Variants in CFAP20 observed in about 807,000 individuals in gnomAD.
CFAP20 encodes the protein cilia- and flagella-associated protein 20.
Under a neutral mutation model 25.5 loss-of-function variants are expected in CFAP20, and 14 were observed. The ratio of observed to expected loss-of-function variants is 0.55; its 90% CI spans 0.36 to 0.86. The LOEUF is 0.86. Ranked by LOEUF, CFAP20 falls within the 40% of genes least tolerant of loss-of-function variation. The probability of loss-of-function intolerance (pLI) is 0.01; values close to 1 mark genes in which losing one functional copy is unlikely to be tolerated. For missense variants in CFAP20, 181 were observed against 248.0 expected, an observed-to-expected ratio of 0.73 and a Z score of 1.81; for synonymous variants, 75 against 91.1, an observed-to-expected ratio of 0.82 and a Z score of 1.01.
At chr16:58,117,582 C>T (rs1211700468) in intron 1 of CFAP20, among the ~76,000 whole-genome samples, 1 of 151,996 alleles carries the variant, frequency 6.6e-6, no homozygotes, top group Non-Finnish European at 1.5e-5. Context: ...GCGTGCAGCA[C>T]CATGCCCAGC....
chr16:58,118,041 T>C (rs888057530), intron 1 of CFAP20, among the ~76,000 whole-genome samples: 1 of 152,204 alleles, frequency 6.6e-6, no homozygotes, highest in Non-Finnish European at 1.5e-5. Context: ...GTTTGCTGCA[T>C]ATGTAGGAGG....
Position 58,116,958 on chromosome 16 carries a change from G to A in CFAP20, c.85-7C>T. 6.2e-7 allele frequency: 1 copy of A among 1,612,986 alleles called. No homozygotes were observed. The highest frequency in any genetic ancestry group is 8.5e-7 in the Non-Finnish European group (1 of 1,179,020). On this transcript the variant is annotated splice_polypyrimidine_tract_variant and splice_region_variant and intron_variant, in intron 1 of 5. Coordinates refer to ENST00000262498, the MANE Select transcript of CFAP20 (RefSeq NM_013242.3). ...TGATGTGGCCATTCCGTACCTACAA[G>A]AAAGAAAATTCGATTAGTACTGAAA...
chr16:58,116,372 A>G (rs1960458034), intron 2 of CFAP20, among the ~76,000 whole-genome samples: 1 of 152,218 alleles, frequency 6.6e-6, no homozygotes, highest in Non-Finnish European at 1.5e-5. Context: ...CAGCAATAAA[A>G]TATCTGAAAA....
chr16:58,114,525 C>CAAAAAAAAAAAAAAAAA (rs57272078), intron 5 of CFAP20, among the ~76,000 whole-genome samples: 6 of 129,002 alleles, frequency 4.7e-5, no homozygotes, highest in African/African-American at 1.7e-4. Context: ...GACTCCATCT[C>CAAAAAAAAAAAAAAAAA]AAAAAAAAAA....
chr16:58,126,746 C>G (rs1416318657), intron 1 of CFAP20, among the ~76,000 whole-genome samples: 1 of 152,214 alleles, frequency 6.6e-6, no homozygotes, highest in Admixed American at 6.5e-5. Context: ...TGTCACTAAG[C>G]TGTCGCTCAA....
chr16:58,115,420 GCCCGAAAGCGA>G lies in CFAP20; in HGVS notation c.303_313del (p.Arg102LysfsTer2). 1 of 1,614,230 alleles carries G rather than the reference GCCCGAAAGCGA, an allele frequency of 6.2e-7. No individual in the cohort carries two copies. The highest frequency in any genetic ancestry group is 8.5e-7 in the Non-Finnish European group (1 of 1,180,040). On this transcript the variant is annotated frameshift_variant, in exon 4 of 6. Coordinates refer to ENST00000262498, the MANE Select transcript of CFAP20 (RefSeq NM_013242.3). LOFTEE classifies it high-confidence loss of function. ...CCGGGTGGTGCTCTGGTAGTTACTT[GCCCGAAAGCGA>G]CGACGCACATTCTTGTCATCTAGTA...
intron 5 of CFAP20, among the ~76,000 whole-genome samples, chr16:58,114,525 C>CAAAAAAAAAAAAAAAAAAA (rs57272078): frequency 7.8e-6 from 1 of 129,010 alleles, no homozygotes; most frequent in Non-Finnish European, 1.7e-5. Context: ...GACTCCATCT[C>CAAAAAAAAAAAAAAAAAAA]AAAAAAAAAA....
At chr16:58,115,148 T>C in intron 4 of CFAP20, 121 bp downstream of exon 4, 1 of 1,388,754 alleles carries the variant, frequency 7.2e-7, no homozygotes, top group South Asian at 1.2e-5. Context: ...CAAAGCTCCC[T>C]GGACAGTGTG....
In CFAP20 at chr16:58,117,992, C is replaced by T. The variant is rs537807336; in HGVS notation, c.85-1041G>A. Among the ~76,000 whole-genome samples, 42 of 152,236 alleles carry T rather than the reference C, an allele frequency of 2.8e-4. No homozygotes were observed. The South Asian group carries it at 3.9e-3, about 14-fold the overall frequency. On this transcript the variant is annotated intron_variant, in intron 1 of 5. Transcript: ENST00000262498. The stretch of plus-strand genomic sequence containing the variant: ...GTTTTTCTGGCTCATGTTGTCTAGA[C>T]GACATAATTTAGCACCTCATCCTAC...
At position 58,113,777 on chromosome 16, in the gene CFAP20, G is replaced by A; in HGVS notation, c.*248C>T. The A allele has an allele frequency of 5.9e-6, 3 of 506,652 alleles. No homozygotes were observed. The highest frequency in any genetic ancestry group is 5.3e-4 in the Middle Eastern group (1 of 1,890). The allele number at this position is 506,652 out of a possible 1,614,324, so 31.4% of individuals were successfully genotyped here. A position where few individuals can be genotyped will look rare whatever the true frequency, so the allele number is the denominator to read the frequency against. ...TAAAGGTATCTCCCCCCACACTGGG[G>A]CAGGCGGCGGAATAAGCTCCAGCGT... On this transcript the variant is annotated 3_prime_UTR_variant, in exon 6 of 6. Transcript: ENST00000262498.
intron 5 of CFAP20, 118 bp from the exon 6 acceptor site, chr16:58,114,148 C>T: frequency 9.4e-7 from 1 of 1,062,424 alleles, no homozygotes; most frequent in Non-Finnish European, 1.5e-6. Flanking sequence ...GGAGAATGGA[C>T]ACACATCTGC....
chr16:58,116,833 GTA>G, intron 2 of CFAP20, 37 bp downstream of exon 2: 2 of 1,562,792 alleles, frequency 1.3e-6, no homozygotes, highest in Non-Finnish European at 1.8e-6. Context: ...TGCCTCCCTA[GTA>G]TATGATGTCT....
chr16:58,119,299 A>G (rs1405503298), intron 1 of CFAP20: 1 of 152,228 alleles, frequency 6.6e-6, no homozygotes, highest in African/African-American at 2.4e-5. Context: ...CCAGTTATGA[A>G]GCATCATTTC....
In CFAP20 at chr16:58,127,802, C is replaced by T. The variant is rs182947520; in HGVS notation, c.84+1230G>A. 2.6e-5 allele frequency among the ~76,000 whole-genome samples: 4 copies of T among 152,308 alleles called. No individual in the cohort carries two copies. The East Asian group carries it at 7.7e-4, about 29-fold the overall frequency. ...AAAGTAACACTATGGACACACCATC[C>T]TAAAAGCTGCCCTCAGAACGCAGAG... On this transcript the variant is annotated intron_variant, in intron 1 of 5. Transcript: ENST00000262498.
In CFAP20 at chr16:58,129,070, T is replaced by C. The variant is rs1271779048; in HGVS notation, c.46A>G (p.Ser16Gly). The change falls in exon 1 of 6, where the codon AGC becomes GGC. Residue 16 changes from serine (S) to glycine (G), a missense_variant. By Grantham distance (56) the Ser-to-Gly change is moderately conservative (BLOSUM62 0). Transcript: ENST00000262498. ...ATTTGCAGAGGCTTGCTGCCGATGC[T>C]GTAGAGGATGGAGAGGAAGCCGCTC... ...FQSGFLSILY[S>G]IGSKPLQIWD... The C allele has an allele frequency of 6.2e-7, 1 of 1,610,582 alleles. No homozygotes were observed. Among genetic ancestry groups the C allele is most frequent in the Non-Finnish European group, 8.5e-7 (1 of 1,178,508 alleles).
intron 1 of CFAP20, among the ~76,000 whole-genome samples, chr16:58,120,703 C>T (rs1427268061): frequency 6.6e-6 from 1 of 152,158 alleles, no homozygotes; most frequent in African/African-American, 2.4e-5. Context: ...CCCAGTGTTA[C>T]TAGATAACAA....
intron 4 of CFAP20, 48 bp downstream of exon 4, chr16:58,115,221 G>A: frequency 1.2e-6 from 2 of 1,606,556 alleles, no homozygotes; most frequent in Non-Finnish European, 1.7e-6. Context: ...ATTAGACGCA[G>A]TGTGCCCTAT....
chr16:58,114,463 T>C (rs1960428657), intron 5 of CFAP20, among the ~76,000 whole-genome samples: 1 of 150,810 alleles, frequency 6.6e-6, no homozygotes, highest in Non-Finnish European at 1.5e-5. Context: ...AAGGCAGAGG[T>C]TGCAGTGAGC....
At chr16:58,114,762 G>T in intron 5 of CFAP20, 48 bp downstream of exon 5, 1 of 1,465,420 alleles carries the variant, frequency 6.8e-7, no homozygotes, top group South Asian at 1.1e-5. Flanking sequence ...CAGGAACACA[G>T]CTCCCCCCAC....
Sources: gnomAD v4.1 joint callset for allele counts (sites outside exome capture counted in the v4.1 genomes callset) on GRCh38, gnomAD v4.1.1 for gene constraint, MANE v1.5 for transcripts, NCBI Gene and HGNC (gene_info 2026-07-23, HGNC 2026-07-21) for gene names.